NAP1L1: variants seen among roughly 807,000 people sequenced by gnomAD.
NAP1L1 encodes nucleosome assembly protein 1-like 1.
NAP1L1 carries 9 observed loss-of-function variants against 58.9 expected under a neutral mutation model. That is an observed-to-expected ratio of 0.15 (90% CI 0.09 to 0.27). The LOEUF is 0.27. NAP1L1 is among the 10% of genes least tolerant of loss of function. NAP1L1 has a pLI of 1.00. For missense variants in NAP1L1, 302 were observed against 458.8 expected (o/e 0.66, Z 3.12); for synonymous variants, 130 against 138.3 (o/e 0.94, Z 0.42).
intron 4 of NAP1L1, among the ~76,000 whole-genome samples, chr12:76,064,520 G>C (rs569968249): frequency 6.6e-6 from 1 of 151,654 alleles, no homozygotes. Context: ...TAAAAAACTG[G>C]AAAGAATAAC....
rs1445738311 is a variant in NAP1L1 at position 76,047,919 on chromosome 12, C to A, written c.*510G>T. The stretch of plus-strand genomic sequence containing the variant: ...TCTAATAACAGTTATTGGGTGTGGT[C>A]ATACTGGAAATTCTTAACCATATAG... On this transcript the variant is annotated 3_prime_UTR_variant, in exon 15 of 15. Coordinates refer to ENST00000618691, the MANE Select transcript of NAP1L1 (RefSeq NM_004537.7). 1 of 153,536 alleles carries A rather than the reference C, an allele frequency of 6.5e-6. No individual in the cohort carries two copies. 9.5% of individuals were successfully genotyped at this position (153,536 alleles called of 1,614,324 possible).
At chr12:76,049,075 A>T in intron 14 of NAP1L1, 125 bp downstream of exon 14, 1 of 933,596 alleles carries the variant, frequency 1.1e-6, no homozygotes, top group Non-Finnish European at 1.7e-6. Context: ...TGAAAAAACA[A>T]AGTTATCCAG....
chr12:76,080,826 T>C (rs1272775203), intron 1 of NAP1L1, among the ~76,000 whole-genome samples: 2 of 152,018 alleles, frequency 1.3e-5, no homozygotes, highest in Non-Finnish European at 2.9e-5. Flanking sequence ...TAAGAAGTGA[T>C]TGGATCATGA....
chr12:76,056,206 C>T (rs1949076589), intron 6 of NAP1L1, 45 bp from the exon 7 acceptor site: 1 of 1,569,372 alleles, frequency 6.4e-7, no homozygotes, highest in Admixed American at 2.0e-5. Flanking sequence ...TAGATTAGAC[C>T]TCATGATAAA....
chr12:76,053,136 A>G (rs1418472377), intron 10 of NAP1L1, 26 bp from the exon 11 acceptor site: 4 of 1,612,570 alleles, frequency 2.5e-6, no homozygotes, highest in Non-Finnish European at 3.4e-6. Context: ...AAGAAATTAC[A>G]ATGAATAAGA....
chr12:76,057,279 G>C (rs1372308788), intron 6 of NAP1L1: 2 of 309,822 alleles, frequency 6.5e-6, no homozygotes, highest in Non-Finnish European at 1.3e-5. Context: ...AACACAGCAA[G>C]TCCCTGTCTC....
rs758368843 is a variant in NAP1L1 at position 76,037,408 on chromosome 12, T to G, written c.*11021A>C. The G allele has an allele frequency of 1.3e-5, 2 of 152,648 alleles. No individual in the cohort carries two copies. Among genetic ancestry groups the G allele is most frequent in the Non-Finnish European group, 2.9e-5 (2 of 68,124 alleles). 9.5% of individuals were successfully genotyped at this position (152,648 alleles called of 1,614,324 possible). ...GTGGATCCAAGCACCGTCCATCAGC[T>G]GTCTCCGTCCTTTCTGTTCTGCCAG... is the stretch of plus-strand genomic sequence containing the variant. On this transcript the variant is annotated 3_prime_UTR_variant, in exon 15 of 15. Coordinates refer to ENST00000618691, the MANE Select transcript of NAP1L1 (RefSeq NM_004537.7).
chr12:76,060,780 G>T (rs1184030046), intron 4 of NAP1L1, among the ~76,000 whole-genome samples: 1 of 152,276 alleles, frequency 6.6e-6, no homozygotes, highest in South Asian at 2.1e-4. Context: ...CTATAAAGAG[G>T]AGACATGTAT....
intron 6 of NAP1L1, chr12:76,057,147 T>C (rs1949145637): frequency 5.3e-6 from 1 of 187,738 alleles, no homozygotes; most frequent in African/African-American, 2.4e-5. Context: ...AAAAGTAGAT[T>C]AAGCTGGGCA....
rs1384826526 is a variant in NAP1L1 at position 76,039,061 on chromosome 12, T to TTTCTAAAATGTAG, written c.*9355_*9367dup. 6.6e-6 allele frequency: 1 copy of TTTCTAAAATGTAG among 152,236 alleles called. No homozygotes were observed. Among genetic ancestry groups the TTTCTAAAATGTAG allele is most frequent in the Non-Finnish European group, 1.5e-5 (1 of 68,044 alleles). The allele number at this position is 152,236 out of a possible 1,614,324, so 9.4% of individuals were successfully genotyped here. ...TACTTTTCTTAGCCCTGTTCACTTA[T>TTTCTAAAATGTAG]TTCTAAAATGTAGTTATTTGCTTTA... On this transcript the variant is annotated 3_prime_UTR_variant, in exon 15 of 15. Coordinates refer to ENST00000618691, the MANE Select transcript of NAP1L1 (RefSeq NM_004537.7).
intron 7 of NAP1L1, among the ~76,000 whole-genome samples, chr12:76,055,492 TTC>T (rs1339704759): frequency 2.6e-5 from 4 of 152,222 alleles, no homozygotes; most frequent in African/African-American, 9.6e-5. Context: ...TGAAGATCAT[TTC>T]TTTTTCTCCA....
chr12:76,053,143 A>G (rs535102667), intron 10 of NAP1L1, 33 bp from the exon 11 acceptor site: 2 of 1,612,800 alleles, frequency 1.2e-6, no homozygotes, highest in East Asian at 2.2e-5. Flanking sequence ...TACAATGAAT[A>G]AGAAGCTAAG....
chr12:76,059,669 G>A (rs1164221504), intron 6 of NAP1L1, 129 bp downstream of exon 6: 11 of 661,126 alleles, frequency 1.7e-5, no homozygotes, highest in East Asian at 3.1e-5. Context: ...TAATAAAGAC[G>A]TAAAATTAAA....
Position 76,060,192 on chromosome 12 carries a change from T to A in NAP1L1, c.294A>T (p.Glu98Asp), listed in dbSNP as rs151041773. ...CAQIEAKFYEEVHDLERKYAV... is the reference protein window; with the variant it reads ...CAQIEAKFYEDVHDLERKYAV... ...CATACTTCCTTTCAAGATCGTGAAC[T>A]TCCTCATAGAATTTGGCTTCTATCT... Residue 98 changes from glutamate to aspartate, a missense_variant, in exon 5 of 15, where the codon GAA becomes GAT. Coordinates refer to ENST00000618691, the MANE Select transcript of NAP1L1 (RefSeq NM_004537.7). 8.2e-5 allele frequency: 133 copies of A among 1,613,276 alleles called. No homozygotes were observed. Among genetic ancestry groups the A allele is most frequent in the Non-Finnish European group, 1.1e-4 (130 of 1,179,436 alleles).
Position 76,067,437 on chromosome 12 carries a change from T to C in NAP1L1, c.140A>G (p.Gln47Arg). The change falls in exon 4 of 15, where the codon CAG becomes CGG. Residue 47 changes from glutamine (Q) to arginine (R), a missense_variant. By Grantham distance (43) the Gln-to-Arg change is conservative. Coordinates refer to ENST00000618691, the MANE Select transcript of NAP1L1 (RefSeq NM_004537.7). Reference sequence around the variant, plus strand: ...TCTTTCTTGAAGGGCTGCAAGAATCTGAGGATTTTGCATCATCTGAACAGT... The same window carrying C: ...TCTTTCTTGAAGGGCTGCAAGAATCCGAGGATTTTGCATCATCTGAACAGT... ...QLTVQMMQNP[Q>R]ILAALQERLD... 6.2e-7 allele frequency: 1 copy of C among 1,608,800 alleles called. No individual in the cohort carries two copies. Among genetic ancestry groups the C allele is most frequent in the South Asian group, 1.1e-5 (1 of 90,742 alleles).
chr12:76,083,893 G>C (rs979852656), intron 1 of NAP1L1: 5 of 152,222 alleles, frequency 3.3e-5, no homozygotes, highest in African/African-American at 7.2e-5. Flanking sequence ...CCGAGGGCAA[G>C]GGTCTCCAAC....
chr12:76,049,127 T>C (rs11180815), intron 14 of NAP1L1, 73 bp downstream of exon 14: 291,936 of 1,434,496 alleles, frequency 0.2, 35,247 homozygotes, highest in East Asian at 0.52. Flanking sequence ...GGAGAGAAAC[T>C]TGATATTCAA....
chr12:76,065,165 G>A (rs1307748395), intron 4 of NAP1L1, among the ~76,000 whole-genome samples: 2 of 151,586 alleles, frequency 1.3e-5, no homozygotes, highest in African/African-American at 4.8e-5. Context: ...TCCAAAATAA[G>A]TATTTCCAAA....
At chr12:76,077,913 G>A (rs541072181) in intron 1 of NAP1L1, among the ~76,000 whole-genome samples, 1 of 145,032 alleles carries the variant, frequency 6.9e-6, no homozygotes, top group Non-Finnish European at 1.5e-5. Flanking sequence ...GAACCCAGAG[G>A]AGGAGGCTGC....
Sources: allele counts gnomAD v4.1 joint callset (sites outside exome capture counted in the v4.1 genomes callset), GRCh38; gene constraint gnomAD v4.1.1; transcripts MANE v1.5; gene names NCBI Gene and HGNC (gene_info 2026-07-23, HGNC 2026-07-21).